SDK1: variants seen among roughly 807,000 people sequenced by gnomAD.
The protein encoded by SDK1 is sidekick cell adhesion molecule 1, also known as protein sidekick-1.
SDK1 carries 157 observed loss-of-function variants against 245.5 expected under a neutral mutation model. The ratio of observed to expected loss-of-function variants is 0.64; its 90% CI spans 0.56 to 0.73. The LOEUF (loss-of-function observed/expected upper bound fraction) is 0.73, where lower values mean the gene tolerates loss of function less well. Among genes scored for constraint, SDK1 ranks in the 30% least tolerant of loss-of-function variants. The pLI is 0.00. For missense variants in SDK1, 3,583 were observed against 3,002.3 expected (o/e 1.19, Z -4.52); for synonymous variants, 1,647 against 1,278.5 (o/e 1.29, Z -6.15).
chr7:4,205,743 G>T (rs112666644), intron 35 of SDK1, 136 bp from the exon 36 acceptor site: 3 of 718,224 alleles, frequency 4.2e-6, no homozygotes, highest in Admixed American at 2.3e-5. Flanking sequence ...AAGCCAGGGC[G>T]ACGGCCCAGG....
At chr7:3,803,873 T>G (rs1779173623) in intron 4 of SDK1, among the ~76,000 whole-genome samples, 2 of 150,440 alleles carry the variant, frequency 1.3e-5, no homozygotes, top group African/African-American at 4.9e-5. Context: ...CACGCCATTC[T>G]CCTGCCTCAG....
At chr7:4,214,299 T>C (rs1411497942) in intron 38 of SDK1, among the ~76,000 whole-genome samples, 1 of 152,216 alleles carries the variant, frequency 6.6e-6, no homozygotes, top group East Asian at 1.9e-4. Context: ...TTTTATATTC[T>C]AGACAAACCG....
Position 4,127,373 on chromosome 7 carries a change from C to G in SDK1, c.3824-8C>G. On this transcript the variant is annotated splice_region_variant and splice_polypyrimidine_tract_variant and intron_variant, in intron 25 of 44. Transcript: ENST00000404826. ...TGGATGCTAATCTACTTCATTGGTTCTTTGCAGTTCCTTCAGCCGCCCCTG... is the reference window on the plus strand; with the variant it reads ...TGGATGCTAATCTACTTCATTGGTTGTTTGCAGTTCCTTCAGCCGCCCCTG... The G allele has an allele frequency of 6.2e-7, 1 of 1,608,978 alleles. No homozygotes were observed. Among genetic ancestry groups the G allele is most frequent in the South Asian group, 1.1e-5 (1 of 90,970 alleles).
At chr7:4,147,961 C>T (rs1298111038) in intron 29 of SDK1, among the ~76,000 whole-genome samples, 1 of 152,100 alleles carries the variant, frequency 6.6e-6, no homozygotes, top group Non-Finnish European at 1.5e-5. Context: ...GTGTCCTGCC[C>T]CACAGCCCCG....
At position 3,863,319 on chromosome 7, in the gene SDK1, CTT is replaced by C. The variant is rs1240176600; in HGVS notation, c.847+41739_847+41740del. On this transcript the variant is annotated intron_variant, in intron 5 of 44. Transcript: ENST00000404826. ...CCAGTGAGGGAAATTCTGCCTGAAA[CTT>C]TTCTCCACTTGTCAGCATTTCCACT... Among the ~76,000 whole-genome samples, 3 of 152,192 alleles carry C rather than the reference CTT, an allele frequency of 2.0e-5. No homozygotes were observed. In the East Asian group the frequency reaches 5.8e-4, roughly 29 times the overall value.
intron 5 of SDK1, among the ~76,000 whole-genome samples, chr7:3,869,099 C>G (rs1415871079): frequency 6.6e-6 from 1 of 150,850 alleles, no homozygotes; most frequent in Non-Finnish European, 1.5e-5. Context: ...TTTTTTTCCC[C>G]CAAAAAAGAG....
At chr7:3,731,136 T>C (rs932654276) in intron 4 of SDK1, among the ~76,000 whole-genome samples, 8 of 152,202 alleles carry the variant, frequency 5.3e-5, no homozygotes, top group Non-Finnish European at 1.0e-4. Context: ...CACTCACTCA[T>C]GCATCCATCA....
rs1554307102 is a variant in SDK1, at chr7:3,672,759, T to TTTTA, written c.713+30655_713+30656insTTAT. Among the ~76,000 whole-genome samples the TTTTA allele has an allele frequency of 1.1e-3, 56 of 50,748 alleles. 1 individual carries two copies. Among genetic ancestry groups the TTTTA allele is most frequent in the African/African-American group, 4.7e-3 (54 of 11,504 alleles). The allele number at this position is 50,748 out of a possible 152,430, so 33.3% of individuals were successfully genotyped here. On this transcript the variant is annotated intron_variant, in intron 4 of 44. Transcript: ENST00000404826. ...ATATATATTTTTATAATATATAATT[T>TTTTA]TATATATATATATATATATATATAT...
At chr7:3,909,179 G>A (rs1371676721) in intron 5 of SDK1, among the ~76,000 whole-genome samples, 3 of 152,208 alleles carry the variant, frequency 2.0e-5, no homozygotes, top group Admixed American at 6.5e-5. Flanking sequence ...ATCTTCAGAC[G>A]CAGTGAGACC....
At chr7:3,596,979 G>C (rs1359198509) in intron 1 of SDK1, among the ~76,000 whole-genome samples, 3 of 152,122 alleles carry the variant, frequency 2.0e-5, no homozygotes, top group African/African-American at 7.2e-5. Context: ...TGGTATAAGA[G>C]TAGGTTACAG....
At chr7:4,183,223 G>C (rs1420555154) in intron 35 of SDK1, among the ~76,000 whole-genome samples, 1 of 152,192 alleles carries the variant, frequency 6.6e-6, no homozygotes, top group African/African-American at 2.4e-5. Flanking sequence ...AGTCTGAAAA[G>C]CATCTCAAAA....
At chr7:4,224,745 C>T (rs1785324548) in intron 40 of SDK1, among the ~76,000 whole-genome samples, 1 of 151,992 alleles carries the variant, frequency 6.6e-6, no homozygotes, top group Non-Finnish European at 1.5e-5. Context: ...CTTTGGGAGG[C>T]CGAGGTGGGC....
At chr7:3,594,927 A>G (rs1364271379) in intron 1 of SDK1, among the ~76,000 whole-genome samples, 2 of 152,214 alleles carry the variant, frequency 1.3e-5, no homozygotes, top group Non-Finnish European at 2.9e-5. Context: ...TCATTAATGT[A>G]TAGGGTTTAC....
chr7:4,220,644 C>G (rs1785097994), intron 39 of SDK1, among the ~76,000 whole-genome samples: 1 of 151,388 alleles, frequency 6.6e-6, no homozygotes, highest in African/African-American at 2.4e-5. Context: ...TCCAACTGTT[C>G]TGCCCTTTGT....
At chr7:3,352,265 T>A (rs1196938876) in intron 1 of SDK1, among the ~76,000 whole-genome samples, 1 of 150,150 alleles carries the variant, frequency 6.7e-6, no homozygotes, top group South Asian at 2.1e-4. Context: ...TTTGGGAGGT[T>A]TTTTTTTTGA....
intron 35 of SDK1, among the ~76,000 whole-genome samples, chr7:4,198,308 T>A (rs1783697336): frequency 6.6e-6 from 1 of 152,200 alleles, no homozygotes. Flanking sequence ...ACTGCACCCC[T>A]GACAGCTGTA....
chr7:4,184,462 G>A (rs1373248434), intron 35 of SDK1, among the ~76,000 whole-genome samples: 1 of 151,886 alleles, frequency 6.6e-6, no homozygotes, highest in Non-Finnish European at 1.5e-5. Context: ...CATAAGATGA[G>A]TGTCCAGAAT....
intron 4 of SDK1, among the ~76,000 whole-genome samples, chr7:3,762,095 C>G (rs1641691533): frequency 6.6e-6 from 1 of 152,208 alleles, no homozygotes; most frequent in African/African-American, 2.4e-5. Context: ...AATGTTTACA[C>G]TGAATGATTC....
intron 22 of SDK1, among the ~76,000 whole-genome samples, chr7:4,100,262 G>A (rs966743279): frequency 2.6e-5 from 4 of 152,150 alleles, no homozygotes; most frequent in Admixed American, 6.5e-5. Context: ...GCTCAGACAC[G>A]GCCCTGGGCT....
Sources: allele counts gnomAD v4.1 joint callset (sites outside exome capture counted in the v4.1 genomes callset), GRCh38; gene constraint gnomAD v4.1.1; transcripts MANE v1.5; gene names NCBI Gene and HGNC (gene_info 2026-07-23, HGNC 2026-07-21).